CDH4: variants seen among roughly 807,000 people sequenced by gnomAD.
CDH4 encodes cadherin 4, also known as cadherin-4.
In CDH4, 33 loss-of-function variants were observed where a neutral mutation model predicts 86.0. The ratio of observed to expected loss-of-function variants is 0.38; its 90% confidence interval spans 0.29 to 0.51. The LOEUF is 0.51. CDH4 is among the 20% of genes least tolerant of loss of function. The probability of loss-of-function intolerance (pLI) is 0.86; values close to 1 mark genes in which losing one functional copy is unlikely to be tolerated. For synonymous variants in CDH4, 555 were observed against 549.4 expected, an observed-to-expected ratio of 1.01 and a Z score of -0.14; for missense variants, 1,114 against 1,307.4, an observed-to-expected ratio of 0.85 and a Z score of 2.28.
intron 4 of CDH4, among the ~76,000 whole-genome samples, chr20:61,841,082 C>T (rs1982143342): frequency 6.6e-6 from 1 of 152,242 alleles, no homozygotes; most frequent in Admixed American, 6.5e-5. Context: ...ATCCTTCCGG[C>T]TGCTGCAGAC....
chr20:61,354,376 A>G (rs2084734017), intron 2 of CDH4, among the ~76,000 whole-genome samples: 1 of 152,152 alleles, frequency 6.6e-6, no homozygotes, highest in South Asian at 2.1e-4. Context: ...ACCTCTCTGA[A>G]CCACGGTTTC....
In CDH4 at chr20:61,613,754, A is replaced by G. The variant is rs150420563; in HGVS notation, c.170-129809A>G. Among the ~76,000 whole-genome samples, 228 of 151,794 alleles carry G rather than the reference A, an allele frequency of 1.5e-3. 3 individuals are homozygous for G. The highest frequency in any genetic ancestry group is 5.3e-3 in the African/African-American group (218 of 41,270). On this transcript the variant is annotated intron_variant, in intron 2 of 15. Coordinates refer to ENST00000614565, the MANE Select transcript of CDH4 (RefSeq NM_001794.5). ...CTTGAGCCCTTGAATTTGATTCTTG[A>G]GCTGGGCATGCAGTCCACAGCTCTT...
intron 4 of CDH4, among the ~76,000 whole-genome samples, chr20:61,830,294 C>G (rs2146080410): frequency 6.6e-6 from 1 of 152,280 alleles, no homozygotes; most frequent in Non-Finnish European, 1.5e-5. Flanking sequence ...GCTCAGCGTC[C>G]TGCGTGGAAC....
rs559821303 is a variant in CDH4, at chr20:61,722,233, AAAG to A, written c.170-21326_170-21324del. Reference sequence around the variant, plus strand: ...TAAGTGACATTGTATTTATTGCAGAAAAGAAGCCATGGTTGGAAAGTCAGGACT... The same window carrying A: ...TAAGTGACATTGTATTTATTGCAGAAAAGCCATGGTTGGAAAGTCAGGACT... On this transcript the variant is annotated intron_variant, in intron 2 of 15. Coordinates refer to ENST00000614565, the MANE Select transcript of CDH4 (RefSeq NM_001794.5). Among the ~76,000 whole-genome samples the A allele has an allele frequency of 3.0e-3, 450 of 152,282 alleles. 1 individual carries two copies. Among genetic ancestry groups the A allele is most frequent in the Non-Finnish European group, 5.2e-3 (356 of 68,028 alleles).
chr20:61,405,694 A>G (rs985007217), intron 2 of CDH4, among the ~76,000 whole-genome samples: 3 of 147,098 alleles, frequency 2.0e-5, no homozygotes, highest in Non-Finnish European at 4.5e-5. Flanking sequence ...CTATGTATCT[A>G]TAATTTTTTT....
chr20:61,523,137 C>T (rs370257751), intron 2 of CDH4, among the ~76,000 whole-genome samples: 6 of 152,244 alleles, frequency 3.9e-5, no homozygotes, highest in Admixed American at 3.3e-4. Context: ...TGCCCATCCT[C>T]CATCCCTCTC....
chr20:61,583,770 G>A (rs1443679155), intron 2 of CDH4, among the ~76,000 whole-genome samples: 4 of 152,238 alleles, frequency 2.6e-5, no homozygotes, highest in Non-Finnish European at 5.9e-5. Context: ...CTGCCCACAT[G>A]TGTCTGCACC....
At chr20:61,539,740 C>G (rs1007876340) in intron 2 of CDH4, among the ~76,000 whole-genome samples, 3 of 152,218 alleles carry the variant, frequency 2.0e-5, no homozygotes, top group African/African-American at 2.4e-5. Context: ...TGGTGTCCCC[C>G]CCAAGCCCTG....
intron 2 of CDH4, among the ~76,000 whole-genome samples, chr20:61,739,882 A>G (rs1302927340): frequency 1.3e-5 from 2 of 152,240 alleles, no homozygotes; most frequent in Non-Finnish European, 2.9e-5. Flanking sequence ...CTCAGCCTCC[A>G]GCCACATTCG....
chr20:61,920,018 GTGGAAGCGTGTC>G (rs2054953386), intron 9 of CDH4, among the ~76,000 whole-genome samples: 6 of 84,678 alleles, frequency 7.1e-5, no homozygotes, highest in Admixed American at 2.2e-4. Flanking sequence ...CAGTGATTGC[GTGGAAGCGTGTC>G]GTGATTGTGT....
intron 2 of CDH4, among the ~76,000 whole-genome samples, chr20:61,356,341 C>T (rs763082811): frequency 5.3e-5 from 8 of 152,146 alleles, no homozygotes; most frequent in Admixed American, 1.3e-4. Context: ...CATTCCCCGG[C>T]GGAGAACTGC....
chr20:61,269,801 C>G lies in CDH4; in HGVS notation c.169+14864C>G, dbSNP rs1214599180. On this transcript the variant is annotated intron_variant, in intron 2 of 15. Transcript: ENST00000614565. The surrounding 1 kb of genome is among the most constrained non-coding windows in gnomAD (Gnocchi z 5.3). The stretch of plus-strand genomic sequence containing the variant: ...CCCAACCCCAGGCTCCAGAGGCTCC[C>G]GGCGGGGAGACTGTCAGATAGCAAC... Among the ~76,000 whole-genome samples, 1 of 151,994 alleles carries G rather than the reference C, an allele frequency of 6.6e-6. No homozygotes were observed.
chr20:61,557,128 A>G (rs2086183774), intron 2 of CDH4, among the ~76,000 whole-genome samples: 1 of 152,120 alleles, frequency 6.6e-6, no homozygotes, highest in African/African-American at 2.4e-5. Context: ...ATAAGCTAAT[A>G]CTAAAAAGGT....
chr20:61,322,039 T>C (rs1052158829), intron 2 of CDH4, among the ~76,000 whole-genome samples: 1 of 152,120 alleles, frequency 6.6e-6, no homozygotes, highest in Non-Finnish European at 1.5e-5. Context: ...TGAAACCCCA[T>C]GCTTGAGGTT....
At chr20:61,318,570 C>T (rs765163009) in intron 2 of CDH4, among the ~76,000 whole-genome samples, 1 of 152,090 alleles carries the variant, frequency 6.6e-6, no homozygotes, top group Non-Finnish European at 1.5e-5. Flanking sequence ...ATGATGTGGG[C>T]ATGCGCTCTA....
chr20:61,801,499 G>A (rs1395877285), intron 4 of CDH4, among the ~76,000 whole-genome samples: 1 of 152,194 alleles, frequency 6.6e-6, no homozygotes, highest in African/African-American at 2.4e-5. Flanking sequence ...GTTGCCGGGA[G>A]CTGCTGTCAC....
At chr20:61,849,538 G>A (rs928910522) in intron 5 of CDH4, among the ~76,000 whole-genome samples, 46 of 152,024 alleles carry the variant, frequency 3.0e-4, no homozygotes, top group Admixed American at 1.5e-3. Context: ...GGGAGGATCT[G>A]CCTCTAGGCT....
intron 2 of CDH4, among the ~76,000 whole-genome samples, chr20:61,387,781 C>CGTAGTGAGA: frequency 6.6e-6 from 1 of 152,136 alleles, no homozygotes; most frequent in Non-Finnish European, 1.5e-5. Flanking sequence ...GAAGCTTTTC[C>CGTAGTGAGA]GCAGTGAGAG....
chr20:61,385,460 CCG>C (rs2084945812), intron 2 of CDH4, among the ~76,000 whole-genome samples: 1 of 140,416 alleles, frequency 7.1e-6, no homozygotes, highest in Admixed American at 6.8e-5. Flanking sequence ...CCGCCGCCCC[CCG>C]CCCCCTTGGA....
Sources: allele counts gnomAD v4.1 joint callset (sites outside exome capture counted in the v4.1 genomes callset), GRCh38; gene constraint gnomAD v4.1.1; non-coding constraint Gnocchi (gnomAD v3.1); transcripts MANE v1.5; gene names NCBI Gene and HGNC (gene_info 2026-07-23, HGNC 2026-07-21).